DGKB: variants seen among roughly 807,000 people sequenced by gnomAD.
The protein encoded by DGKB is 90 kDa diacylglycerol kinase.
DGKB carries 67 observed loss-of-function variants against 114.3 expected under a neutral mutation model. The ratio of observed to expected loss-of-function variants is 0.59; its 90% CI spans 0.48 to 0.72. The LOEUF is 0.72. DGKB is among the 30% of genes least tolerant of loss of function. The pLI is 0.00. For synonymous variants in DGKB, 398 were observed against 323.1 expected, an observed-to-expected ratio of 1.23 and a Z score of -2.49; for missense variants, 907 against 975.2, an observed-to-expected ratio of 0.93 and a Z score of 0.93.
chr7:14,546,964 C>G (rs761102392), intron 20 of DGKB, among the ~76,000 whole-genome samples: 3 of 152,134 alleles, frequency 2.0e-5, no homozygotes, highest in Non-Finnish European at 2.9e-5. Context: ...CAAAACTATT[C>G]TTGAATATGC....
At chr7:14,594,225 T>C (rs1197871519) in intron 17 of DGKB, among the ~76,000 whole-genome samples, 2 of 152,240 alleles carry the variant, frequency 1.3e-5, no homozygotes, top group South Asian at 4.1e-4. Flanking sequence ...TTAATTGAAC[T>C]TAGTATTTTC....
At chr7:14,322,070 C>T (rs548873212) in intron 23 of DGKB, among the ~76,000 whole-genome samples, 3 of 152,088 alleles carry the variant, frequency 2.0e-5, no homozygotes, top group African/African-American at 2.4e-5. Context: ...GTAGTACTGG[C>T]GTAAGGACTG....
intron 21 of DGKB, among the ~76,000 whole-genome samples, chr7:14,438,701 C>T (rs1470597727): frequency 6.6e-6 from 1 of 152,148 alleles, no homozygotes; most frequent in Non-Finnish European, 1.5e-5. Flanking sequence ...TAGACCCAGA[C>T]ATTGTGAAGC....
intron 8 of DGKB, among the ~76,000 whole-genome samples, chr7:14,696,443 C>G (rs1403399660): frequency 2.2e-5 from 3 of 135,408 alleles, no homozygotes; most frequent in Non-Finnish European, 1.5e-5. Flanking sequence ...TGCAGTGAGC[C>G]GAGATTGCGC....
At chr7:14,330,730 G>C (rs1453058468) in intron 23 of DGKB, among the ~76,000 whole-genome samples, 1 of 151,880 alleles carries the variant, frequency 6.6e-6, no homozygotes, top group African/African-American at 2.4e-5. Context: ...TAGTGGCTCA[G>C]TTCCTCCAAA....
intron 1 of DGKB, among the ~76,000 whole-genome samples, chr7:14,923,291 C>A (rs1229494210): frequency 1.3e-5 from 2 of 151,818 alleles, no homozygotes; most frequent in Non-Finnish European, 2.9e-5. Context: ...GGTGTTATAT[C>A]TTCAGTTATT....
At chr7:14,786,402 C>G (rs1347916569) in intron 2 of DGKB, among the ~76,000 whole-genome samples, 2 of 152,164 alleles carry the variant, frequency 1.3e-5, no homozygotes, top group Non-Finnish European at 2.9e-5. Context: ...CTTCCCAAAA[C>G]AGACTGATCA....
intron 20 of DGKB, among the ~76,000 whole-genome samples, chr7:14,527,376 C>T (rs1261033476): frequency 1.3e-5 from 2 of 151,808 alleles, no homozygotes; most frequent in Non-Finnish European, 2.9e-5. Context: ...TTGAGCTTTC[C>T]TCTGTTTTGT....
chr7:14,909,611 T>C (rs960696464), intron 1 of DGKB, among the ~76,000 whole-genome samples: 4 of 152,202 alleles, frequency 2.6e-5, no homozygotes, highest in African/African-American at 9.6e-5. Flanking sequence ...GCAAATGGCC[T>C]TTATCACATG....
At chr7:14,872,047 G>A (rs1267766929) in intron 1 of DGKB, among the ~76,000 whole-genome samples, 1 of 152,058 alleles carries the variant, frequency 6.6e-6, no homozygotes, top group Non-Finnish European at 1.5e-5. Flanking sequence ...AGTTCTTTGT[G>A]AAGCAAAGGG....
At chr7:14,812,109 T>C (rs1220480435) in intron 2 of DGKB, among the ~76,000 whole-genome samples, 1 of 152,216 alleles carries the variant, frequency 6.6e-6, no homozygotes, top group Non-Finnish European at 1.5e-5. Flanking sequence ...TGTTGTAGTA[T>C]GTGTCAAAAT....
chr7:14,393,271 G>C (rs981089749), intron 21 of DGKB, among the ~76,000 whole-genome samples: 3 of 151,912 alleles, frequency 2.0e-5, no homozygotes, highest in Non-Finnish European at 2.9e-5. Context: ...TTACAGGCGT[G>C]AGCCACCGCG....
chr7:14,732,611 T>A (rs944032278), intron 5 of DGKB, among the ~76,000 whole-genome samples: 4 of 152,156 alleles, frequency 2.6e-5, no homozygotes, highest in African/African-American at 9.7e-5. Flanking sequence ...ATGTACTTAG[T>A]TGTAAAATGT....
intron 20 of DGKB, among the ~76,000 whole-genome samples, chr7:14,553,449 A>G (rs929190638): frequency 6.6e-6 from 1 of 152,220 alleles, no homozygotes; most frequent in African/African-American, 2.4e-5. Context: ...CTATATAAGT[A>G]AGTGAAGGAA....
intron 20 of DGKB, among the ~76,000 whole-genome samples, chr7:14,549,692 T>C (rs1289060699): frequency 6.6e-6 from 1 of 152,166 alleles, no homozygotes; most frequent in East Asian, 1.9e-4. Flanking sequence ...GGAAAGACGA[T>C]TAAAATCTCT....
chr7:14,563,326 A>T (rs1357777322), intron 20 of DGKB, among the ~76,000 whole-genome samples: 2 of 152,192 alleles, frequency 1.3e-5, no homozygotes, highest in Non-Finnish European at 2.9e-5. Flanking sequence ...TGTGGAAATT[A>T]CTTATACTTT....
At chr7:14,852,932 A>G in intron 1 of DGKB, among the ~76,000 whole-genome samples, 1 of 152,222 alleles carries the variant, frequency 6.6e-6, no homozygotes, top group East Asian at 1.9e-4. Context: ...CTGACTTTGT[A>G]TTGAATTAGG....
intron 15 of DGKB, among the ~76,000 whole-genome samples, chr7:14,616,849 G>A (rs1231052396): frequency 6.6e-6 from 1 of 151,728 alleles, no homozygotes; most frequent in Non-Finnish European, 1.5e-5. Context: ...CTGATGAAGA[G>A]AGAAAGTGTC....
At chr7:14,269,448 T>C (rs1232148651) in intron 23 of DGKB, among the ~76,000 whole-genome samples, 1 of 152,176 alleles carries the variant, frequency 6.6e-6, no homozygotes, top group Admixed American at 6.5e-5. Flanking sequence ...GTCTGTTTGG[T>C]TCTGAATTAG....
Sources: allele counts gnomAD v4.1 joint callset (sites outside exome capture counted in the v4.1 genomes callset), GRCh38; gene constraint gnomAD v4.1.1; transcripts MANE v1.5; gene names NCBI Gene and HGNC (gene_info 2026-07-23, HGNC 2026-07-21).